Variants in SORCS1 observed in about 807,000 individuals in gnomAD.
SORCS1 encodes the protein VPS10 domain-containing receptor SorCS1.
Under a neutral mutation model 146.1 loss-of-function variants are expected in SORCS1, and 60 were observed. The observed-to-expected ratio is 0.41, with a 90% CI of 0.33 to 0.51. The LOEUF (loss-of-function observed/expected upper bound fraction) is 0.51, where lower values mean the gene tolerates loss of function less well. SORCS1 is among the 20% of genes least tolerant of loss of function. The pLI, the probability that SORCS1 is intolerant of heterozygous loss-of-function variation, is 0.21. For missense variants in SORCS1, 1,352 were observed against 1,487.6 expected, an observed-to-expected ratio of 0.91 and a Z score of 1.50; for synonymous variants, 637 against 584.0, an observed-to-expected ratio of 1.09 and a Z score of -1.31.
chr10:106,850,189 C>T (rs1163117835), intron 2 of SORCS1, among the ~76,000 whole-genome samples: 4 of 151,902 alleles, frequency 2.6e-5, no homozygotes, highest in Non-Finnish European at 4.4e-5. Context: ...CCCAGCCTCG[C>T]TGCCGCCTTG....
intron 10 of SORCS1, among the ~76,000 whole-genome samples, chr10:106,687,411 CT>C (rs1852939440): frequency 6.6e-6 from 1 of 152,084 alleles, no homozygotes; most frequent in South Asian, 2.1e-4. Context: ...GTCAGCAAAC[CT>C]TTGTAAAGGG....
chr10:106,850,558 C>G lies in SORCS1; in HGVS notation c.627-20885G>C, dbSNP rs557981639. On this transcript the variant is annotated intron_variant, in intron 2 of 25. Transcript: ENST00000263054. ...AATCACCCGTCTTCTGCGTTGCTCA[C>G]GCTGGGAGCTGTAGACCGGAGCTGT... Among the ~76,000 whole-genome samples, 406 of 152,292 alleles carry G rather than the reference C, an allele frequency of 2.7e-3. 1 individual carries two copies. Among genetic ancestry groups the G allele is most frequent in the African/African-American group, 9.2e-3 (381 of 41,566 alleles).
chr10:106,921,573 G>T (rs1047907245), intron 2 of SORCS1, among the ~76,000 whole-genome samples: 18 of 152,160 alleles, frequency 1.2e-4, no homozygotes, highest in African/African-American at 4.3e-4. Flanking sequence ...AATAACAAAT[G>T]TTATTAAAAA....
intron 21 of SORCS1, among the ~76,000 whole-genome samples, chr10:106,614,813 G>A (rs1477442454): frequency 1.3e-5 from 2 of 152,190 alleles, no homozygotes; most frequent in Admixed American, 1.3e-4. Flanking sequence ...GGATGCGTGT[G>A]GGCGGACTGA....
At chr10:107,085,040 G>A (rs1261554581) in intron 1 of SORCS1, among the ~76,000 whole-genome samples, 1 of 152,118 alleles carries the variant, frequency 6.6e-6, no homozygotes, top group Non-Finnish European at 1.5e-5. Context: ...AGCCCTCAAA[G>A]CTTTTGTTTT....
intron 2 of SORCS1, among the ~76,000 whole-genome samples, chr10:106,955,491 A>C (rs1364720275): frequency 6.6e-6 from 1 of 152,222 alleles, no homozygotes; most frequent in Non-Finnish European, 1.5e-5. Flanking sequence ...GGCACAAGCA[A>C]AACTCAAGCA....
At chr10:106,680,215 AAAG>A (rs1852333883) in intron 10 of SORCS1, among the ~76,000 whole-genome samples, 1 of 151,414 alleles carries the variant, frequency 6.6e-6, no homozygotes. Context: ...TCAAGACGTT[AAAG>A]AATATTTCAA....
chr10:106,978,709 A>G (rs1433663145), intron 1 of SORCS1, among the ~76,000 whole-genome samples: 1 of 151,916 alleles, frequency 6.6e-6, no homozygotes, highest in African/African-American at 2.4e-5. Context: ...GAGGCAGGAG[A>G]ATCCCTTGAA....
At chr10:106,801,696 AT>A (rs534689813) in intron 3 of SORCS1, among the ~76,000 whole-genome samples, 2 of 151,692 alleles carry the variant, frequency 1.3e-5, no homozygotes, top group South Asian at 2.1e-4. Context: ...CGCCCGGCTA[AT>A]TTTTTTGTAT....
At chr10:107,049,198 T>C (rs566791321) in intron 1 of SORCS1, among the ~76,000 whole-genome samples, 6 of 141,636 alleles carry the variant, frequency 4.2e-5, no homozygotes, top group East Asian at 2.2e-4. Context: ...TTCTCACTCA[T>C]AGGTGGTGGG....
At chr10:107,171,666 C>A in the SORCS1 span, among the ~76,000 whole-genome samples, 1 of 151,944 alleles carries the variant, frequency 6.6e-6, no homozygotes, top group Non-Finnish European at 1.5e-5. Flanking sequence ...ACAGGCTTTG[C>A]CACCATGCCT....
In SORCS1 at chr10:107,067,901, C is replaced by T. The variant is rs556597467; in HGVS notation, c.558+96068G>A. 9.9e-5 allele frequency among the ~76,000 whole-genome samples: 15 copies of T among 152,250 alleles called. 1 individual carries two copies. The South Asian group carries it at 2.7e-3, about 27-fold the overall frequency. On this transcript the variant is annotated intron_variant, in intron 1 of 25. Coordinates refer to ENST00000263054, the MANE Select transcript of SORCS1 (RefSeq NM_052918.5). The stretch of plus-strand genomic sequence containing the variant: ...GAAAGTGCCTGGCACATTAAGAGTG[C>T]TATCTCAAGTGTTAACATTAAGGAT...
At chr10:107,075,111 G>A (rs1328332750) in intron 1 of SORCS1, among the ~76,000 whole-genome samples, 1 of 152,086 alleles carries the variant, frequency 6.6e-6, no homozygotes, top group Non-Finnish European at 1.5e-5. Flanking sequence ...CATATTCTTT[G>A]GGAGTTTTGT....
At chr10:106,673,436 G>A (rs1460146634) in intron 14 of SORCS1, among the ~76,000 whole-genome samples, 2 of 151,950 alleles carry the variant, frequency 1.3e-5, no homozygotes, top group African/African-American at 4.8e-5. Context: ...GGCCGAGGAG[G>A]GTACTATTAC....
chr10:106,679,418 G>T (rs1564850147), intron 11 of SORCS1, 86 bp from the exon 12 acceptor site: 1 of 1,151,692 alleles, frequency 8.7e-7, no homozygotes, highest in East Asian at 2.4e-5. Flanking sequence ...GCCTGAGAAA[G>T]ATTTTGACTG....
chr10:106,781,118 T>C (rs1860861405), intron 3 of SORCS1, among the ~76,000 whole-genome samples: 1 of 152,184 alleles, frequency 6.6e-6, no homozygotes, highest in Non-Finnish European at 1.5e-5. Context: ...GGCAGCTTTC[T>C]GATCCTTCCA....
intron 1 of SORCS1, among the ~76,000 whole-genome samples, chr10:106,957,252 C>A (rs1955003761): frequency 6.6e-6 from 1 of 150,452 alleles, no homozygotes; most frequent in Non-Finnish European, 1.5e-5. Flanking sequence ...CGGCTCACTG[C>A]AACCTCTGCC....
intron 2 of SORCS1, among the ~76,000 whole-genome samples, chr10:106,956,259 C>G (rs1174649467): frequency 6.6e-6 from 1 of 152,210 alleles, no homozygotes; most frequent in Non-Finnish European, 1.5e-5. Flanking sequence ...TGAGACAGTG[C>G]ATAAACACAA....
chr10:106,824,304 A>G (rs1039437918), intron 3 of SORCS1, among the ~76,000 whole-genome samples: 8 of 143,454 alleles, frequency 5.6e-5, no homozygotes, highest in African/African-American at 2.1e-4. Flanking sequence ...AAAAAAAAAA[A>G]AAAAAGGCTG....
Sources: allele counts gnomAD v4.1 joint callset (sites outside exome capture counted in the v4.1 genomes callset), GRCh38; gene constraint gnomAD v4.1.1; transcripts MANE v1.5; gene names NCBI Gene and HGNC (gene_info 2026-07-23, HGNC 2026-07-21).